The following MRRF variants were observed in gnomAD, a reference collection of about 807,000 sequenced individuals.
The protein encoded by MRRF is ribosome-recycling factor, mitochondrial.
In MRRF, 18 loss-of-function variants were observed where a neutral mutation model predicts 25.1. That is an observed-to-expected ratio of 0.72 (90% CI 0.50 to 1.06). The LOEUF (loss-of-function observed/expected upper bound fraction) is 1.06, where lower values mean the gene tolerates loss of function less well. MRRF is among the 50% of genes least tolerant of loss of function. The pLI, the probability that MRRF is intolerant of heterozygous loss-of-function variation, is 0.00. For missense variants in MRRF, 323 were observed against 319.3 expected, an observed-to-expected ratio of 1.01 and a Z score of -0.09; for synonymous variants, 113 against 112.1, an observed-to-expected ratio of 1.01 and a Z score of -0.05.
intron 5 of MRRF, among the ~76,000 whole-genome samples, chr9:122,303,756 GCT>G (rs1434596769): frequency 7.2e-5 from 11 of 152,174 alleles, no homozygotes; most frequent in Non-Finnish European, 1.3e-4. Context: ...TAAGTAACTT[GCT>G]CATGGTCATA....
chr9:122,298,537 C>T (rs1191420022), intron 5 of MRRF, among the ~76,000 whole-genome samples: 1 of 152,232 alleles, frequency 6.6e-6, no homozygotes, highest in Non-Finnish European at 1.5e-5. Flanking sequence ...TGCCCCTTTG[C>T]ATGTCGGTCT....
At chr9:122,310,570 G>T (rs565902182) in intron 5 of MRRF, among the ~76,000 whole-genome samples, 3 of 152,296 alleles carry the variant, frequency 2.0e-5, no homozygotes, top group Admixed American at 6.5e-5. Flanking sequence ...TGCTCCTTCC[G>T]CAGTAGATAC....
chr9:122,292,986 T>C (rs1206105710), intron 5 of MRRF, among the ~76,000 whole-genome samples: 3 of 152,194 alleles, frequency 2.0e-5, no homozygotes, highest in Non-Finnish European at 4.4e-5. Context: ...TGTTGGAATA[T>C]AGCAGTAAAC....
At chr9:122,322,491 C>T (rs1181948985) in intron 6 of MRRF, 49 bp from the exon 7 acceptor site, 1 of 1,523,076 alleles carries the variant, frequency 6.6e-7, no homozygotes, top group Non-Finnish European at 9.1e-7. Flanking sequence ...CATCCCCCTA[C>T]CCTTTTCCAG....
intron 6 of MRRF, among the ~76,000 whole-genome samples, chr9:122,315,346 GATA>G (rs1835447811): frequency 6.6e-6 from 1 of 152,144 alleles, no homozygotes; most frequent in Non-Finnish European, 1.5e-5. Flanking sequence ...ACACATAGAA[GATA>G]ATGACCTAGA....
At chr9:122,281,116 A>G (rs763484569) in intron 3 of MRRF, among the ~76,000 whole-genome samples, 19 of 152,178 alleles carry the variant, frequency 1.2e-4, no homozygotes, top group Non-Finnish European at 2.4e-4. Context: ...AGGCATTTCT[A>G]TACCCCTGAG....
rs1407346796 is a variant in MRRF, at chr9:122,325,266, T to C, written c.*2649T>C. 1.3e-5 allele frequency: 2 copies of C among 152,206 alleles called. No individual in the cohort carries two copies. The highest frequency in any genetic ancestry group is 4.8e-5 in the African/African-American group (2 of 41,462). The allele number at this position is 152,206 out of a possible 1,614,324, so 9.4% of individuals were successfully genotyped here. ...GTGTATGTTGGCCAAAGCTGTATCA[T>C]GATAAATGAATAAAGGAAAACCTCG... is the stretch of plus-strand genomic sequence containing the variant. On this transcript the variant is annotated 3_prime_UTR_variant, in exon 7 of 7. Coordinates refer to ENST00000344641, the MANE Select transcript of MRRF (RefSeq NM_138777.5).
At chr9:122,296,531 C>T (rs1414673087) in intron 5 of MRRF, among the ~76,000 whole-genome samples, 1 of 152,062 alleles carries the variant, frequency 6.6e-6, no homozygotes, top group Non-Finnish European at 1.5e-5. Flanking sequence ...AAGTTGATGC[C>T]CAATATCAGA....
At chr9:122,301,680 A>G (rs752593218) in intron 5 of MRRF, among the ~76,000 whole-genome samples, 3 of 152,044 alleles carry the variant, frequency 2.0e-5, no homozygotes, top group Admixed American at 6.6e-5. Context: ...TTAAGTTGTC[A>G]TGATCAGGTT....
intron 6 of MRRF, among the ~76,000 whole-genome samples, chr9:122,316,197 T>G (rs950273237): frequency 4.6e-5 from 7 of 152,216 alleles, no homozygotes; most frequent in African/African-American, 1.7e-4. Flanking sequence ...TTATTTTTAT[T>G]TATTTTTTAT....
chr9:122,276,082 AT>A (rs915642629), intron 2 of MRRF, among the ~76,000 whole-genome samples: 72 of 142,112 alleles, frequency 5.1e-4, no homozygotes, highest in South Asian at 1.6e-3. Flanking sequence ...TAATTTTTGT[AT>A]TTTTTTTTTT....
intron 5 of MRRF, among the ~76,000 whole-genome samples, chr9:122,296,649 C>T (rs1834103750): frequency 6.6e-6 from 1 of 152,200 alleles, no homozygotes; most frequent in Non-Finnish European, 1.5e-5. Flanking sequence ...AGTCTTTTCA[C>T]TCCTTAATCA....
chr9:122,317,803 G>C lies in MRRF; in HGVS notation c.711+4417G>C, dbSNP rs577819667. Among the ~76,000 whole-genome samples the C allele has an allele frequency of 2.6e-5, 4 of 152,084 alleles. No individual in the cohort carries two copies. In the East Asian group the frequency reaches 7.7e-4, roughly 29 times the overall value. On this transcript the variant is annotated intron_variant, in intron 6 of 6. Coordinates refer to ENST00000344641, the MANE Select transcript of MRRF (RefSeq NM_138777.5). ...ATCTTTTGAGGTCAGATTTTTTAAA[G>C]CTTTATTATAAAAATGCTTCTTCAA...
intron 2 of MRRF, among the ~76,000 whole-genome samples, chr9:122,277,667 C>T (rs1019899338): frequency 1.3e-5 from 2 of 152,180 alleles, no homozygotes; most frequent in Non-Finnish European, 2.9e-5. Flanking sequence ...GCTTGTGCCT[C>T]AGCCTCCCGA....
rs1232530790 is a variant in MRRF at position 122,285,378 on chromosome 9, G to A, written c.459+91G>A. On this transcript the variant is annotated intron_variant, in intron 4 of 6. Coordinates refer to ENST00000344641, the MANE Select transcript of MRRF (RefSeq NM_138777.5). ...CAGGAGGAAGTGTTCCTTCAGCTTA[G>A]GATGAAACAAGAGAGAAGACATAAT... is the stretch of plus-strand genomic sequence containing the variant. 4 of 843,440 alleles carry A rather than the reference G, an allele frequency of 4.7e-6. No individual in the cohort carries two copies. The African/African-American group carries it at 5.0e-5, about 10-fold the overall frequency. 52.2% of individuals were successfully genotyped at this position (843,440 alleles called of 1,614,324 possible). A position where few individuals can be genotyped will look rare whatever the true frequency, so the allele number is the denominator to read the frequency against.
intron 5 of MRRF, among the ~76,000 whole-genome samples, chr9:122,296,412 G>C (rs901740741): frequency 2.6e-5 from 4 of 152,156 alleles, no homozygotes; most frequent in African/African-American, 9.7e-5. Context: ...ATAATGCCTG[G>C]AAGTGTTGAG....
intron 5 of MRRF, among the ~76,000 whole-genome samples, chr9:122,303,967 A>G (rs1486684008): frequency 6.6e-6 from 1 of 151,902 alleles, no homozygotes; most frequent in Admixed American, 6.6e-5. Context: ...CATTCCAGGA[A>G]GTACTGGTAA....
At chr9:122,321,154 T>G (rs930372149) in intron 6 of MRRF, among the ~76,000 whole-genome samples, 40 of 152,360 alleles carry the variant, frequency 2.6e-4, no homozygotes, top group African/African-American at 8.7e-4. Flanking sequence ...TAACCACTAT[T>G]AATATTTTGA....
chr9:122,310,680 G>A (rs556555942), intron 5 of MRRF, among the ~76,000 whole-genome samples: 1 of 152,318 alleles, frequency 6.6e-6, no homozygotes, highest in African/African-American at 2.4e-5. Context: ...CTCTTCTGGA[G>A]CTCCTTGGTC....
Sources: gnomAD v4.1 joint callset for allele counts (sites outside exome capture counted in the v4.1 genomes callset) on GRCh38, gnomAD v4.1.1 for gene constraint, MANE v1.5 for transcripts, NCBI Gene and HGNC (gene_info 2026-07-23, HGNC 2026-07-21) for gene names.